The following DNAH11 variants were observed in gnomAD, a reference collection of about 807,000 sequenced individuals.
DNAH11 encodes dynein axonemal heavy chain 11.
In DNAH11, 442 loss-of-function variants were observed where a neutral mutation model predicts 526.0. That is an observed-to-expected ratio of 0.84 (90% CI 0.78 to 0.91). The LOEUF is 0.91. Ranked by LOEUF, DNAH11 falls within the 40% of genes least tolerant of loss-of-function variation. The probability of loss-of-function intolerance (pLI) is 0.00; values close to 1 mark genes in which losing one functional copy is unlikely to be tolerated. For missense variants in DNAH11, 6,989 were observed against 5,448.7 expected (o/e 1.28, Z -8.90); for synonymous variants, 2,461 against 1,935.9 (o/e 1.27, Z -7.12).
chr7:21,680,646 A>G lies in DNAH11; in HGVS notation c.5329-900A>G, dbSNP rs551650302. On this transcript the variant is annotated intron_variant, in intron 30 of 81. Transcript: ENST00000409508. ...CATTCACTTCAATGAATTGTCATTC[A>G]TGGCATTCCATTTTATTCCTTTCCA... is the stretch of plus-strand genomic sequence containing the variant. Among the ~76,000 whole-genome samples the G allele has an allele frequency of 4.6e-5, 7 of 152,330 alleles. 1 individual carries two copies. Among genetic ancestry groups the G allele is most frequent in the African/African-American group, 1.7e-4 (7 of 41,588 alleles).
At chr7:21,863,239 G>A (rs1783139068) in intron 69 of DNAH11, among the ~76,000 whole-genome samples, 1 of 152,170 alleles carries the variant, frequency 6.6e-6, no homozygotes, top group African/African-American at 2.4e-5. Flanking sequence ...TATTCTGTGT[G>A]TGCCAAAGAA....
chr7:21,671,675 A>C (rs1001477746), intron 30 of DNAH11, among the ~76,000 whole-genome samples: 5 of 151,528 alleles, frequency 3.3e-5, no homozygotes, highest in African/African-American at 1.2e-4. Context: ...TATTTTGATT[A>C]TTTCCTTTCT....
intron 38 of DNAH11, 40 bp from the exon 39 acceptor site, chr7:21,705,420 C>G (rs992677583): frequency 6.2e-7 from 1 of 1,607,450 alleles, no homozygotes; most frequent in Non-Finnish European, 8.5e-7. Flanking sequence ...TTGTCACCAA[C>G]TCCTTAAAGG....
chr7:21,801,211 A>T lies in DNAH11; in HGVS notation c.10101A>T (p.Glu3367Asp). The part of the protein sequence containing the change: ...KATAEKVRCQ[E>D]EVNQTNKTIK... ...CAGCTGAGAAAGTCCGGTGTCAAGA[A>T]GAGGTGAACCAAACCAACAAAACCA... Residue 3367 changes from glutamate (E) to aspartate (D), a missense_variant, in exon 62 of 82, where the codon GAA becomes GAT. Physicochemically the swap from Glu to Asp is conservative, Grantham distance 45. Transcript: ENST00000409508. 6.2e-7 allele frequency: 1 copy of T among 1,613,784 alleles called. No homozygotes were observed. Among genetic ancestry groups the T allele is most frequent in the Non-Finnish European group, 8.5e-7 (1 of 1,179,802 alleles).
intron 54 of DNAH11, among the ~76,000 whole-genome samples, chr7:21,758,628 C>T (rs1786743225): frequency 6.6e-6 from 1 of 152,024 alleles, no homozygotes; most frequent in African/African-American, 2.4e-5. Context: ...GAAGACAGGG[C>T]AAGAAAGATA....
At chr7:21,603,808 T>G (rs191506177) in intron 18 of DNAH11, among the ~76,000 whole-genome samples, 4 of 152,286 alleles carry the variant, frequency 2.6e-5, no homozygotes, top group African/African-American at 9.6e-5. Context: ...AAACTATATC[T>G]CATAGAGAAA....
intron 36 of DNAH11, among the ~76,000 whole-genome samples, chr7:21,699,607 C>G (rs956991415): frequency 1.2e-4 from 18 of 152,172 alleles, no homozygotes; most frequent in African/African-American, 4.1e-4. Flanking sequence ...TGTGAATTTA[C>G]ATTGGGTGGG....
Position 21,764,715 on chromosome 7 carries a change from A to G in DNAH11, c.8941-713A>G, listed in dbSNP as rs148520963. Among the ~76,000 whole-genome samples the G allele has an allele frequency of 3.3e-3, 509 of 152,362 alleles. 4 individuals carry two copies. Among genetic ancestry groups the G allele is most frequent in the African/African-American group, 0.012 (490 of 41,582 alleles). ...ATAGCCAGATGTCACAGCCACCCTC[A>G]GGACTCCGACAGAATCCCTTGTGTC... On this transcript the variant is annotated intron_variant, in intron 54 of 81. Coordinates refer to ENST00000409508, the MANE Select transcript of DNAH11 (RefSeq NM_001277115.2).
At chr7:21,726,439 G>A (rs1434928355) in intron 45 of DNAH11, among the ~76,000 whole-genome samples, 3 of 150,580 alleles carry the variant, frequency 2.0e-5, no homozygotes, top group Non-Finnish European at 4.4e-5. Flanking sequence ...CAAGTGAAGT[G>A]TGCTGATGTG....
At chr7:21,813,845 G>T (rs1441422123) in intron 63 of DNAH11, among the ~76,000 whole-genome samples, 1 of 152,238 alleles carries the variant, frequency 6.6e-6, no homozygotes, top group South Asian at 2.1e-4. Context: ...TTTGCACGTG[G>T]TTTCCAAACC....
chr7:21,808,327 G>A (rs530717311), intron 63 of DNAH11, among the ~76,000 whole-genome samples: 6 of 152,056 alleles, frequency 3.9e-5, no homozygotes, highest in Admixed American at 2.0e-4. Flanking sequence ...AATGTGTAAT[G>A]GTCAAGTCAG....
chr7:21,743,300 G>T (rs1018341489), intron 49 of DNAH11, among the ~76,000 whole-genome samples: 1 of 152,226 alleles, frequency 6.6e-6, no homozygotes, highest in African/African-American at 2.4e-5. Flanking sequence ...CATATATGAA[G>T]AGAAATAGCA....
intron 44 of DNAH11, among the ~76,000 whole-genome samples, chr7:21,723,932 T>C (rs1784978097): frequency 6.6e-6 from 1 of 152,256 alleles, no homozygotes; most frequent in Non-Finnish European, 1.5e-5. Flanking sequence ...AAGGCAACTG[T>C]TGATGTCTGC....
intron 14 of DNAH11, among the ~76,000 whole-genome samples, chr7:21,592,932 C>A (rs1035832494): frequency 2.0e-5 from 3 of 152,066 alleles, no homozygotes; most frequent in African/African-American, 7.2e-5. Flanking sequence ...AGATGCTTGT[C>A]CTAAGGGACA....
chr7:21,589,310 T>G lies in DNAH11; in HGVS notation c.2076T>G (p.Ser692Arg), dbSNP rs1444038859. The G allele has an allele frequency of 6.2e-7, 1 of 1,611,050 alleles. No homozygotes were observed. The highest frequency in any genetic ancestry group is 8.5e-7 in the Non-Finnish European group (1 of 1,178,882). The change falls in exon 12 of 82, where the codon AGT (serine) becomes AGG (arginine). Residue 692 changes from serine (S) to arginine (R), a missense_variant. By Grantham distance (110) the Ser-to-Arg change is moderately radical. Coordinates refer to ENST00000409508, the MANE Select transcript of DNAH11 (RefSeq NM_001277115.2). ...GTCGTATCTATAATGAATGGAAAAGTAATGTGGATGAAATCTGTGAATTCA... is the reference window on the plus strand; with the variant it reads ...GTCGTATCTATAATGAATGGAAAAGGAATGTGGATGAAATCTGTGAATTCA... ...FESRIYNEWK[S>R]NVDEICEFNL...
chr7:21,866,661 C>T lies in DNAH11; in HGVS notation c.11688C>T (p.Leu3896=), dbSNP rs749595679. The T allele has an allele frequency of 1.2e-5, 19 of 1,606,268 alleles. No individual in the cohort carries two copies. The highest frequency in any genetic ancestry group is 1.6e-5 in the Non-Finnish European group (19 of 1,176,404). Residue 3896 remains leucine (L), a splice_region_variant and synonymous_variant, in exon 71 of 82, where the codon CTC becomes CTT. Coordinates refer to ENST00000409508, the MANE Select transcript of DNAH11 (RefSeq NM_001277115.2). ...GCCCTGACAGAATGACGTATGCTCTCAGGTGGGGTGGTCAGCATTTTTGGA... is the reference window on the plus strand; with the variant it reads ...GCCCTGACAGAATGACGTATGCTCTTAGGTGGGGTGGTCAGCATTTTTGGA... ...AMRPDRMTYA[L]RNFVEEKLGA...
At chr7:21,713,460 C>T (rs1386786979) in intron 42 of DNAH11, among the ~76,000 whole-genome samples, 2 of 152,144 alleles carry the variant, frequency 1.3e-5, no homozygotes, top group African/African-American at 4.8e-5. Flanking sequence ...CAGGTCACAG[C>T]TCTTCTTATA....
At chr7:21,627,490 G>A (rs1486225772) in intron 25 of DNAH11, among the ~76,000 whole-genome samples, 2 of 152,084 alleles carry the variant, frequency 1.3e-5, no homozygotes, top group African/African-American at 4.8e-5. Flanking sequence ...TCATTCTTCT[G>A]CATATGGTTA....
intron 26 of DNAH11, among the ~76,000 whole-genome samples, chr7:21,637,107 T>G (rs146929362): frequency 6.6e-6 from 1 of 152,112 alleles, no homozygotes; most frequent in Non-Finnish European, 1.5e-5. Flanking sequence ...GAAGAAAAAA[T>G]AGATTGTTTA....
Sources: gnomAD v4.1 joint callset for allele counts (sites outside exome capture counted in the v4.1 genomes callset) on GRCh38, gnomAD v4.1.1 for gene constraint, MANE v1.5 for transcripts, NCBI Gene and HGNC (gene_info 2026-07-23, HGNC 2026-07-21) for gene names.